The following DGKB variants were observed in gnomAD, a reference collection of about 807,000 sequenced individuals.
The protein encoded by DGKB is diacylglycerol kinase beta.
Under a neutral mutation model 114.3 loss-of-function variants are expected in DGKB, and 67 were observed. The observed-to-expected ratio is 0.59, with a 90% CI of 0.48 to 0.72. The LOEUF (loss-of-function observed/expected upper bound fraction) is 0.72. Ranked by LOEUF, DGKB falls within the 30% of genes least tolerant of loss-of-function variation. The pLI, the probability that DGKB is intolerant of heterozygous loss-of-function variation, is 0.00. For synonymous variants in DGKB, 398 were observed against 323.1 expected, an observed-to-expected ratio of 1.23 and a Z score of -2.49; for missense variants, 907 against 975.2, an observed-to-expected ratio of 0.93 and a Z score of 0.93.
intron 25 of DGKB, chr7:14,176,603 A>G: frequency 8.2e-7 from 1 of 1,222,972 alleles, no homozygotes; most frequent in East Asian, 3.2e-5. Flanking sequence ...TCTATTTAAA[A>G]GATCTATTTA....
At chr7:14,278,173 C>T (rs924001050) in intron 23 of DGKB, among the ~76,000 whole-genome samples, 4 of 150,986 alleles carry the variant, frequency 2.6e-5, no homozygotes, top group African/African-American at 9.9e-5. Context: ...CACAAAAGAC[C>T]CTGAATAACC....
chr7:14,908,562 C>G (rs1445293434), intron 1 of DGKB, among the ~76,000 whole-genome samples: 1 of 152,142 alleles, frequency 6.6e-6, no homozygotes, highest in Non-Finnish European at 1.5e-5. Context: ...ATGATTAAAT[C>G]TGTTTATATT....
At position 14,718,529 on chromosome 7, in the gene DGKB, A is replaced by T. The variant is rs1828594646; in HGVS notation, c.466+13T>A. 1.3e-6 allele frequency: 2 copies of T among 1,597,498 alleles called. No individual in the cohort carries two copies. Among genetic ancestry groups the T allele is most frequent in the East Asian group, 2.3e-5 (1 of 44,294 alleles). The stretch of plus-strand genomic sequence containing the variant: ...CCAATCACGATAAGTAAACAAAATG[A>T]AGAAACACATACACTCAAGCTTATC... On this transcript the variant is annotated intron_variant, in intron 6 of 25. Transcript: ENST00000402815.
rs1817409633 is a variant in DGKB at position 14,662,894 on chromosome 7, A to G, written c.1134+10035T>C. On this transcript the variant is annotated intron_variant, in intron 13 of 25. Coordinates refer to ENST00000402815, the MANE Select transcript of DGKB (RefSeq NM_001350709.2). Reference sequence around the variant, plus strand: ...TTATTTTAAAATTTTGTATGATTACATAGTTATGGTATGATAAAATGTTAA... The same window carrying G: ...TTATTTTAAAATTTTGTATGATTACGTAGTTATGGTATGATAAAATGTTAA... 2.0e-5 allele frequency among the ~76,000 whole-genome samples: 3 copies of G among 149,380 alleles called. No homozygotes were observed. The South Asian group carries it at 6.2e-4, about 31-fold the overall frequency.
At chr7:14,679,073 T>C (rs1262433463) in intron 12 of DGKB, among the ~76,000 whole-genome samples, 1 of 151,976 alleles carries the variant, frequency 6.6e-6, no homozygotes, top group Non-Finnish European at 1.5e-5. Flanking sequence ...CACAGGATTC[T>C]GGATGTTTTT....
intron 4 of DGKB, chr7:14,750,311 T>C (rs1425478198): frequency 4.7e-6 from 2 of 428,438 alleles, no homozygotes; most frequent in East Asian, 7.1e-5. Context: ...CTGTGTCAAA[T>C]TGGTCTGCCG....
At chr7:14,838,182 T>C (rs10260713) in intron 2 of DGKB, among the ~76,000 whole-genome samples, 22,320 of 152,092 alleles carry the variant, frequency 0.15, 3,470 homozygotes, top group African/African-American at 0.39. Flanking sequence ...TATAATTAAA[T>C]GTACCTCCAT....
intron 23 of DGKB, among the ~76,000 whole-genome samples, chr7:14,198,125 T>C (rs776324137): frequency 6.6e-5 from 10 of 152,222 alleles, no homozygotes; most frequent in Admixed American, 2.0e-4. Flanking sequence ...CAGATTCCTG[T>C]AGGAGTCCTA....
chr7:14,932,235 T>G (rs1198581439), intron 1 of DGKB, among the ~76,000 whole-genome samples: 1 of 152,176 alleles, frequency 6.6e-6, no homozygotes, highest in Non-Finnish European at 1.5e-5. Flanking sequence ...GATTTACTCC[T>G]GATTCCCAGC....
At chr7:14,567,578 T>TCCAA (rs1797766838) in intron 20 of DGKB, among the ~76,000 whole-genome samples, 1 of 104,422 alleles carries the variant, frequency 9.6e-6, no homozygotes, top group African/African-American at 4.0e-5. Flanking sequence ...TATATAATTA[T>TCCAA]CCAATTATAA....
intron 25 of DGKB, among the ~76,000 whole-genome samples, chr7:14,175,813 T>C (rs1418023660): frequency 1.3e-5 from 2 of 151,898 alleles, no homozygotes; most frequent in East Asian, 3.9e-4. Context: ...TTAGTGTCTT[T>C]TTTTTGGGGG....
At chr7:14,959,425 G>T (rs976411088) in intron 1 of DGKB, among the ~76,000 whole-genome samples, 1 of 151,526 alleles carries the variant, frequency 6.6e-6, no homozygotes, top group African/African-American at 2.4e-5. Context: ...ATTTTAGATG[G>T]GAGGGGAGTT....
chr7:14,231,240 C>A (rs1452129261), intron 23 of DGKB, among the ~76,000 whole-genome samples: 4 of 151,668 alleles, frequency 2.6e-5, no homozygotes, highest in African/African-American at 9.7e-5. Context: ...CTTAAGCAAT[C>A]TTCTCACCTG....
At chr7:14,206,083 T>A (rs906054079) in intron 23 of DGKB, among the ~76,000 whole-genome samples, 2 of 152,012 alleles carry the variant, frequency 1.3e-5, no homozygotes, top group African/African-American at 2.4e-5. Flanking sequence ...TAAATTCTCT[T>A]AAAACTTGGC....
intron 4 of DGKB, among the ~76,000 whole-genome samples, chr7:14,746,785 C>G (rs575857407): frequency 1.5e-4 from 23 of 152,278 alleles, no homozygotes; most frequent in African/African-American, 5.3e-4. Context: ...AGGTGTGAGC[C>G]ACCATGCCCA....
chr7:14,901,047 T>C (rs999255342), intron 1 of DGKB, among the ~76,000 whole-genome samples: 1 of 152,172 alleles, frequency 6.6e-6, no homozygotes, highest in Non-Finnish European at 1.5e-5. Context: ...TTCCCTGCAT[T>C]ATATTTTACT....
chr7:14,173,203 C>G (rs951012364), intron 25 of DGKB, among the ~76,000 whole-genome samples: 7 of 152,116 alleles, frequency 4.6e-5, no homozygotes, highest in African/African-American at 1.7e-4. Flanking sequence ...AAAATAATTA[C>G]CAAGTGCATA....
intron 21 of DGKB, among the ~76,000 whole-genome samples, chr7:14,439,008 T>G (rs1829679700): frequency 2.0e-5 from 3 of 151,886 alleles, no homozygotes. Context: ...TTCTTTTAGT[T>G]CAAGTTTTTT....
At chr7:14,395,436 T>C (rs537185355) in intron 21 of DGKB, among the ~76,000 whole-genome samples, 1 of 152,076 alleles carries the variant, frequency 6.6e-6, no homozygotes, top group South Asian at 2.1e-4. Flanking sequence ...CACAATATTT[T>C]GATATTATTT....
Sources: allele counts gnomAD v4.1 joint callset (sites outside exome capture counted in the v4.1 genomes callset), GRCh38; gene constraint gnomAD v4.1.1; transcripts MANE v1.5; gene names NCBI Gene and HGNC (gene_info 2026-07-23, HGNC 2026-07-21).